Variants in BAZ1A observed in about 807,000 individuals in gnomAD.
The protein encoded by BAZ1A is bromodomain adjacent to zinc finger domain 1A, also known as bromodomain adjacent to zinc finger domain protein 1A.
A neutral mutation model predicts 185.2 loss-of-function variants in BAZ1A; 50 were observed. That is an observed-to-expected ratio of 0.27 (90% confidence interval 0.22 to 0.34). The LOEUF (loss-of-function observed/expected upper bound fraction) is 0.34. BAZ1A is among the 10% of genes least tolerant of loss of function. The pLI, the probability that BAZ1A is intolerant of heterozygous loss-of-function variation, is 1.00. For missense variants in BAZ1A, 1,356 were observed against 1,839.9 expected, an observed-to-expected ratio of 0.74 and a Z score of 4.81; for synonymous variants, 571 against 615.6, an observed-to-expected ratio of 0.93 and a Z score of 1.07.
intron 4 of BAZ1A, among the ~76,000 whole-genome samples, chr14:34,817,618 A>C (rs2042026728): frequency 6.6e-6 from 1 of 152,168 alleles, no homozygotes; most frequent in Non-Finnish European, 1.5e-5. Context: ...ACAACAACAA[A>C]AAAACACAAC....
chr14:34,759,184 T>TTTTTTTTTTTTTTTTTTTTTG (rs1886410722), intron 24 of BAZ1A, among the ~76,000 whole-genome samples: 4 of 108,026 alleles, frequency 3.7e-5, no homozygotes, highest in African/African-American at 1.2e-4. Flanking sequence ...TTTTTTTTTT[T>TTTTTTTTTTTTTTTTTTTTTG]TTTTTTTTTT....
intron 12 of BAZ1A, among the ~76,000 whole-genome samples, chr14:34,789,674 G>A (rs1051197562): frequency 2.6e-4 from 39 of 152,178 alleles, no homozygotes; most frequent in Non-Finnish European, 4.4e-4. Context: ...AGACTAAAGA[G>A]AGGAACTGAT....
intron 5 of BAZ1A, among the ~76,000 whole-genome samples, chr14:34,809,067 C>T (rs1209005628): frequency 6.6e-6 from 1 of 152,126 alleles, no homozygotes; most frequent in East Asian, 1.9e-4. Flanking sequence ...CAATGATTTA[C>T]ACTTCATTTA....
At chr14:34,786,105 A>C in intron 13 of BAZ1A, 21 bp downstream of exon 13, 2 of 1,578,322 alleles carry the variant, frequency 1.3e-6, no homozygotes, top group Non-Finnish European at 1.7e-6. Context: ...CAAACAAAAA[A>C]AAAACAAAAC....
intron 4 of BAZ1A, among the ~76,000 whole-genome samples, chr14:34,812,706 T>C (rs2041947100): frequency 6.6e-6 from 1 of 152,120 alleles, no homozygotes; most frequent in Non-Finnish European, 1.5e-5. Flanking sequence ...CAGAAAATGA[T>C]ATGGTAAGAT....
rs573315980 is a variant in BAZ1A at position 34,762,481 on chromosome 14, TTTA to T, written c.3777-261_3777-259del. 3.5e-3 allele frequency among the ~76,000 whole-genome samples: 497 copies of T among 143,180 alleles called. 3 individuals are homozygous for T. Among genetic ancestry groups the T allele is most frequent in the African/African-American group, 0.013 (477 of 37,332 alleles). 93.9% of individuals were successfully genotyped at this position (143,180 alleles called of 152,430 possible). A position where few individuals can be genotyped will look rare whatever the true frequency, so the allele number is the denominator to read the frequency against. ...ATATTTTATGTTTTCTTTTCTTTTC[TTTA>T]TTTTTTTTTTTTGAGACAGAGTATC... On this transcript the variant is annotated intron_variant, in intron 23 of 26. Coordinates refer to ENST00000360310, the MANE Select transcript of BAZ1A (RefSeq NM_013448.3).
intron 6 of BAZ1A, among the ~76,000 whole-genome samples, chr14:34,806,414 CCATTAGTT>C (rs1881860046): frequency 6.6e-6 from 1 of 151,952 alleles, no homozygotes; most frequent in African/African-American, 2.4e-5. Flanking sequence ...AAGCACGTGC[CCATTAGTT>C]ATTTTTTCCC....
chr14:34,850,513 A>G (rs1378838882), intron 3 of BAZ1A, among the ~76,000 whole-genome samples: 1 of 152,338 alleles, frequency 6.6e-6, no homozygotes, highest in East Asian at 1.9e-4. Context: ...AGTCAGAGGT[A>G]AAGCACATGG....
intron 14 of BAZ1A, among the ~76,000 whole-genome samples, chr14:34,784,797 C>A (rs950755688): frequency 6.6e-6 from 1 of 151,818 alleles, no homozygotes; most frequent in African/African-American, 2.4e-5. Context: ...GGATTACAGG[C>A]GTGAGCCACC....
At chr14:34,775,238 A>G (rs1442557702) in intron 18 of BAZ1A, among the ~76,000 whole-genome samples, 2 of 152,168 alleles carry the variant, frequency 1.3e-5, no homozygotes, top group African/African-American at 2.4e-5. Context: ...ATTGTGATCT[A>G]TAGTTTTTAA....
intron 3 of BAZ1A, among the ~76,000 whole-genome samples, chr14:34,846,005 C>T (rs901893102): frequency 9.9e-5 from 15 of 152,052 alleles, no homozygotes; most frequent in African/African-American, 3.6e-4. Flanking sequence ...CTGTAGTAAC[C>T]ATGTAGATAT....
chr14:34,864,209 T>A (rs1021135653), intron 2 of BAZ1A, among the ~76,000 whole-genome samples: 1 of 152,066 alleles, frequency 6.6e-6, no homozygotes, highest in Non-Finnish European at 1.5e-5. Flanking sequence ...AGTGGTACGA[T>A]CTTAGCTCAC....
At chr14:34,839,712 G>A (rs1296045991) in intron 3 of BAZ1A, among the ~76,000 whole-genome samples, 24 of 151,092 alleles carry the variant, frequency 1.6e-4, no homozygotes, top group Admixed American at 1.1e-3. Context: ...GCGTGGTGGC[G>A]GGTGCCTGTA....
chr14:34,829,187 A>G (rs1336864661), intron 3 of BAZ1A, among the ~76,000 whole-genome samples: 6 of 147,896 alleles, frequency 4.1e-5, no homozygotes, highest in African/African-American at 1.5e-4. Flanking sequence ...AATTGCTTGA[A>G]CCCGGGAGGT....
At chr14:34,850,808 T>C (rs1424947018) in intron 3 of BAZ1A, among the ~76,000 whole-genome samples, 1 of 152,110 alleles carries the variant, frequency 6.6e-6, no homozygotes. Flanking sequence ...GCCATTACTG[T>C]GGTTGCAAAA....
rs115995539 is a variant in BAZ1A at position 34,794,166 on chromosome 14, T to C, written c.1363+583A>G. On this transcript the variant is annotated intron_variant, in intron 11 of 26. Coordinates refer to ENST00000360310, the MANE Select transcript of BAZ1A (RefSeq NM_013448.3). Reference sequence around the variant, plus strand: ...AAATGAGTGGCATTATAATTCTCTATTTCAAAGTCTCTACATGGATTTTAA... The same window carrying C: ...AAATGAGTGGCATTATAATTCTCTACTTCAAAGTCTCTACATGGATTTTAA... Among the ~76,000 whole-genome samples the C allele has an allele frequency of 6.1e-3, 935 of 152,204 alleles. 17 individuals carry two copies. The highest frequency in any genetic ancestry group is 0.022 in the African/African-American group (903 of 41,546).
intron 12 of BAZ1A, among the ~76,000 whole-genome samples, chr14:34,788,895 C>T (rs1045403257): frequency 2.0e-5 from 3 of 152,074 alleles, no homozygotes; most frequent in Non-Finnish European, 2.9e-5. Context: ...CAAAGCCTGA[C>T]AAAATTAACC....
rs1337222223 is a variant in BAZ1A, at chr14:34,874,962, G to T, written c.-59+176C>A. ...GCGGCGGCCCCCTCCCCCAGCGCCGGCTCCTCGCCCGCCGCCGCCGCCAGG... is the reference window on the plus strand; with the variant it reads ...GCGGCGGCCCCCTCCCCCAGCGCCGTCTCCTCGCCCGCCGCCGCCGCCAGG... On this transcript the variant is annotated intron_variant, in intron 1 of 26. Coordinates refer to ENST00000360310, the MANE Select transcript of BAZ1A (RefSeq NM_013448.3). The surrounding 1 kb of genome is among the most constrained non-coding windows in gnomAD (Gnocchi z 4.7). 2 of 150,168 alleles carry T rather than the reference G, an allele frequency of 1.3e-5. No individual in the cohort carries two copies. Among genetic ancestry groups the T allele is most frequent in the East Asian group, 2.0e-4 (1 of 5,032 alleles). 9.3% of individuals were successfully genotyped at this position (150,168 alleles called of 1,614,324 possible).
Position 34,785,823 on chromosome 14 carries a change from A to C in BAZ1A, c.1785T>G (p.Ser595Arg). ...ACMELRLSNPSLVKKLSSTSV... is the reference protein window; with the variant it reads ...ACMELRLSNPRLVKKLSSTSV... ...AGGTGCTTGACAGTTTCTTCACTAG[A>C]CTGGGATTGCTCAAACGAAGCTCCA... The change falls in exon 14 of 27, where the codon AGT becomes AGG. Residue 595 changes from serine to arginine, a missense_variant. Physicochemically the swap from Ser to Arg is moderately radical, Grantham distance 110 (BLOSUM62 -1). Transcript: ENST00000360310. 1 of 1,614,032 alleles carries C rather than the reference A, an allele frequency of 6.2e-7. No homozygotes were observed. The highest frequency in any genetic ancestry group is 8.5e-7 in the Non-Finnish European group (1 of 1,180,022).
Sources: gnomAD v4.1 joint callset for allele counts (sites outside exome capture counted in the v4.1 genomes callset) on GRCh38, gnomAD v4.1.1 for gene constraint, Gnocchi (gnomAD v3.1) non-coding constraint, MANE v1.5 for transcripts, NCBI Gene and HGNC (gene_info 2026-07-23, HGNC 2026-07-21) for gene names.